The following ZFYVE26 variants were observed in gnomAD, a reference collection of about 807,000 sequenced individuals.
ZFYVE26 encodes the protein zinc finger FYVE domain-containing protein 26.
Under a neutral mutation model 276.5 loss-of-function variants are expected in ZFYVE26, and 181 were observed. The observed-to-expected ratio is 0.65, with a 90% CI of 0.58 to 0.74. The LOEUF (loss-of-function observed/expected upper bound fraction) is 0.74. Ranked by LOEUF, ZFYVE26 falls within the 30% of genes least tolerant of loss-of-function variation. ZFYVE26 has a pLI of 0.00. For synonymous variants in ZFYVE26, 1,129 were observed against 1,203.1 expected, an observed-to-expected ratio of 0.94 and a Z score of 1.27; for missense variants, 2,821 against 3,097.9, an observed-to-expected ratio of 0.91 and a Z score of 2.12.
chr14:67,815,814 T>C lies in ZFYVE26; in HGVS notation c.150A>G (p.Val50=). The change falls in exon 2 of 42, where the codon GTA becomes GTG. Residue 50 remains valine (V), a synonymous_variant. Transcript: ENST00000347230. ...QEGQGDIPKR[V]EDILQALVVC... is the part of the protein sequence containing the mutation. ...CCACCAATGCCTGAAGTATGTCTTC[T>C]ACCCTCTTTGGGATATCCCCTTGTC... 1 of 1,613,974 alleles carries C rather than the reference T, an allele frequency of 6.2e-7. No homozygotes were observed. The highest frequency in any genetic ancestry group is 1.3e-5 in the African/African-American group (1 of 75,052).
At chr14:67,788,401 CACAA>C (rs753870262) in intron 16 of ZFYVE26, among the ~76,000 whole-genome samples, 12 of 152,088 alleles carry the variant, frequency 7.9e-5, no homozygotes, top group South Asian at 4.1e-4. Context: ...ATCTCAAAAA[CACAA>C]ACAAACAAAC....
At chr14:67,784,259 C>T (rs1246503325) in intron 20 of ZFYVE26, 75 bp downstream of exon 20, 1 of 1,257,198 alleles carries the variant, frequency 8.0e-7, no homozygotes, top group Non-Finnish European at 1.2e-6. Context: ...CCAAGCACCA[C>T]CGCACTGAGC....
At chr14:67,778,309 T>G in intron 23 of ZFYVE26, 61 bp from the exon 24 acceptor site, 5 of 1,611,020 alleles carry the variant, frequency 3.1e-6, no homozygotes, top group Non-Finnish European at 4.2e-6. Context: ...TTCTCAGCAG[T>G]CTTGAGTCTA....
chr14:67,777,003 C>T (rs1416285364), intron 25 of ZFYVE26, among the ~76,000 whole-genome samples: 8 of 152,214 alleles, frequency 5.3e-5, no homozygotes, highest in Non-Finnish European at 1.0e-4. Flanking sequence ...ATTAATGTCT[C>T]CAAAGTTATA....
chr14:67,812,507 T>C (rs1278570144), intron 3 of ZFYVE26, among the ~76,000 whole-genome samples: 1 of 152,210 alleles, frequency 6.6e-6, no homozygotes, highest in Non-Finnish European at 1.5e-5. Flanking sequence ...TGACTGGACT[T>C]GGAAAACTAC....
At chr14:67,762,170 C>A (rs776409501) in intron 34 of ZFYVE26, 33 bp downstream of exon 34, 4 of 1,609,556 alleles carry the variant, frequency 2.5e-6, no homozygotes, top group Non-Finnish European at 3.4e-6. Context: ...GTCTCCCTCC[C>A]TGAGCCAGGC....
At chr14:67,793,570 A>C in intron 14 of ZFYVE26, 38 bp downstream of exon 14, 1 of 1,607,694 alleles carries the variant, frequency 6.2e-7, no homozygotes. Context: ...CCTGATGCTA[A>C]GTCATTCAGG....
chr14:67,762,074 T>A (rs968197195), intron 34 of ZFYVE26, 129 bp downstream of exon 34: 3 of 1,140,672 alleles, frequency 2.6e-6, no homozygotes, highest in Non-Finnish European at 3.8e-6. Flanking sequence ...AAAAAAAAAA[T>A]TTTTAACCTG....
chr14:67,806,888 T>G (rs779385321), intron 5 of ZFYVE26, among the ~76,000 whole-genome samples: 19 of 152,192 alleles, frequency 1.2e-4, no homozygotes, highest in Non-Finnish European at 2.2e-4. Context: ...TTTATTTTTT[T>G]TCCTCCCAAC....
intron 28 of ZFYVE26, 26 bp downstream of exon 28, chr14:67,772,021 T>G (rs773452130): frequency 1.2e-5 from 19 of 1,607,886 alleles, no homozygotes; most frequent in Non-Finnish European, 1.5e-5. Context: ...CTCCTGAGGG[T>G]GACAGTGGAG....
At chr14:67,767,993 C>T (rs901957837) in intron 30 of ZFYVE26, among the ~76,000 whole-genome samples, 153 bp from the exon 31 acceptor site, 3 of 152,196 alleles carry the variant, frequency 2.0e-5, no homozygotes, top group African/African-American at 7.2e-5. Context: ...CTTTAGGACA[C>T]CCCACTAAGC....
chr14:67,733,951 G>GC, intron 13 of ZFYVE26: 1 of 818,846 alleles, frequency 1.2e-6, no homozygotes, highest in Admixed American at 2.0e-5. Flanking sequence ...GCCAGCTGGT[G>GC]CTGCGAATCC....
At chr14:67,772,593 G>C (rs2039241116) in intron 27 of ZFYVE26, among the ~76,000 whole-genome samples, 1 of 152,176 alleles carries the variant, frequency 6.6e-6, no homozygotes, top group Admixed American at 6.5e-5. Context: ...AAATAAAAAA[G>C]AGGTAGGGGG....
intron 13 of ZFYVE26, chr14:67,735,157 T>A (rs2038336976): frequency 1.0e-6 from 1 of 965,420 alleles, no homozygotes; most frequent in Admixed American, 1.7e-5. Flanking sequence ...TTGTTGGCAT[T>A]TTCAGAATAT....
chr14:67,766,451 G>C lies in ZFYVE26; in HGVS notation c.5791-4C>G. 6.2e-7 allele frequency: 1 copy of C among 1,612,034 alleles called. No homozygotes were observed. Among genetic ancestry groups the C allele is most frequent in the East Asian group, 2.2e-5 (1 of 44,890 alleles). On this transcript the variant is annotated splice_region_variant and splice_polypyrimidine_tract_variant and intron_variant, in intron 31 of 41. Coordinates refer to ENST00000347230, the MANE Select transcript of ZFYVE26 (RefSeq NM_015346.4). ...TGCACAAGGAGGCGCTGGGGGCCTGGCCGGGGTGGAAGAAGGGAGAACACA... is the reference window on the plus strand; with the variant it reads ...TGCACAAGGAGGCGCTGGGGGCCTGCCCGGGGTGGAAGAAGGGAGAACACA...
At chr14:67,802,350 CAA>C in intron 9 of ZFYVE26, 68 bp from the exon 10 acceptor site, 1 of 1,501,320 alleles carries the variant, frequency 6.7e-7, no homozygotes, top group Non-Finnish European at 9.2e-7. Context: ...ATGGGTGAAG[CAA>C]AGAGATGCTG....
At chr14:67,772,667 G>A (rs531224929) in intron 27 of ZFYVE26, among the ~76,000 whole-genome samples, 3 of 152,354 alleles carry the variant, frequency 2.0e-5, no homozygotes, top group African/African-American at 4.8e-5. Flanking sequence ...TGGTGCAGTG[G>A]CTCATGCCAG....
In ZFYVE26 at chr14:67,768,549, C is replaced by A; in HGVS notation, c.5622-1G>T. The A allele has an allele frequency of 1.2e-6, 2 of 1,614,100 alleles. No individual in the cohort carries two copies. Among genetic ancestry groups the A allele is most frequent in the Non-Finnish European group, 1.7e-6 (2 of 1,179,970 alleles). On this transcript the variant is annotated splice_acceptor_variant, in intron 29 of 41. Transcript: ENST00000347230. LOFTEE classifies it high-confidence loss of function. ...TTTTTCTGAAGGCTCCTCTGGTACACTGAAAACAGAGAAAGAAAAATTATT... is the reference window on the plus strand; with the variant it reads ...TTTTTCTGAAGGCTCCTCTGGTACAATGAAAACAGAGAAAGAAAAATTATT...
rs141586165 is a variant in ZFYVE26, at chr14:67,754,143, G to A, written c.7056C>T (p.Thr2352=). 132 of 1,614,276 alleles carry A rather than the reference G, an allele frequency of 8.2e-5. No homozygotes were observed. The African/African-American group carries it at 1.6e-3, about 19-fold the overall frequency. ...GCAGAGGCAAAGTGGTGATTTGAGA[G>A]GTCCCAGCACTTTCGCACCGATGCA... is the stretch of plus-strand genomic sequence containing the variant. ...RFLHRCESAG[T]SQITTLPLPT... Residue 2352 remains threonine (T), a synonymous_variant, in exon 38 of 42, where the codon ACC becomes ACT. Coordinates refer to ENST00000347230, the MANE Select transcript of ZFYVE26 (RefSeq NM_015346.4).
Sources: gnomAD v4.1 joint callset for allele counts (sites outside exome capture counted in the v4.1 genomes callset) on GRCh38, gnomAD v4.1.1 for gene constraint, MANE v1.5 for transcripts, NCBI Gene and HGNC (gene_info 2026-07-23, HGNC 2026-07-21) for gene names.